NBEA: variants seen among roughly 807,000 people sequenced by gnomAD.
NBEA encodes the protein lysosomal-trafficking regulator 2.
In NBEA, 44 loss-of-function variants were observed where a neutral mutation model predicts 343.4. That is an observed-to-expected ratio of 0.13 (90% CI 0.10 to 0.16). NBEA has a LOEUF of 0.16. Among genes scored for constraint, NBEA ranks in the 10% least tolerant of loss-of-function variants. NBEA has a pLI of 1.00. For missense variants in NBEA, 2,555 were observed against 3,631.3 expected (o/e 0.70, Z 7.62); for synonymous variants, 1,175 against 1,238.7 (o/e 0.95, Z 1.08).
chr13:35,463,403 G>T (rs898434666), intron 40 of NBEA, among the ~76,000 whole-genome samples: 1 of 152,064 alleles, frequency 6.6e-6, no homozygotes, highest in Non-Finnish European at 1.5e-5. Flanking sequence ...CGGGAGGATC[G>T]CTTAAGCTCA....
intron 55 of NBEA, among the ~76,000 whole-genome samples, chr13:35,663,277 C>T (rs1011478752): frequency 6.6e-6 from 1 of 152,188 alleles, no homozygotes; most frequent in Non-Finnish European, 1.5e-5. Context: ...CTTCCCACCA[C>T]CCTTGCCAGC....
At position 35,584,058 on chromosome 13, in the gene NBEA, T is replaced by C. The variant is rs2081177452; in HGVS notation, c.7176+20T>C. 2 of 1,610,678 alleles carry C rather than the reference T, an allele frequency of 1.2e-6. No homozygotes were observed. Among genetic ancestry groups the C allele is most frequent in the Non-Finnish European group, 1.7e-6 (2 of 1,178,260 alleles). On this transcript the variant is annotated intron_variant, in intron 46 of 58. Coordinates refer to ENST00000379939, the MANE Select transcript of NBEA (RefSeq NM_001385012.1). The stretch of plus-strand genomic sequence containing the variant: ...CGAATTGTGAGTATCTTCATTGAGT[T>C]AGCTTGCCTTTGGTACCTTAAAATT...
Position 35,282,706 on chromosome 13 carries a change from A to G in NBEA, c.5777-7683A>G, listed in dbSNP as rs73489563. ...GAAATCTGAGTTACTACTGTGAATA[A>G]AAGTATCTCATTCAATTTCAAAAAT... On this transcript the variant is annotated intron_variant, in intron 34 of 58. Transcript: ENST00000379939. 6.3e-3 allele frequency among the ~76,000 whole-genome samples: 964 copies of G among 152,272 alleles called. 10 individuals are homozygous for G. The highest frequency in any genetic ancestry group is 0.022 in the African/African-American group (922 of 41,566).
chr13:35,483,627 A>G (rs1390809464), intron 41 of NBEA, among the ~76,000 whole-genome samples: 1 of 152,076 alleles, frequency 6.6e-6, no homozygotes, highest in African/African-American at 2.4e-5. Flanking sequence ...TTGTCTTTTT[A>G]CAACTTGGAA....
intron 36 of NBEA, among the ~76,000 whole-genome samples, chr13:35,311,657 C>T (rs943863986): frequency 2.6e-5 from 4 of 152,026 alleles, no homozygotes; most frequent in Admixed American, 1.3e-4. Flanking sequence ...AGTTTGAGAC[C>T]GGTCTGGCTA....
intron 10 of NBEA, among the ~76,000 whole-genome samples, chr13:35,077,369 C>A (rs1281347562): frequency 6.6e-6 from 1 of 151,994 alleles, no homozygotes; most frequent in Non-Finnish European, 1.5e-5. Context: ...TCTCATCTAC[C>A]CAATTTCTAT....
At chr13:35,637,898 G>A (rs537491165) in intron 49 of NBEA, among the ~76,000 whole-genome samples, 33 of 152,128 alleles carry the variant, frequency 2.2e-4, no homozygotes, top group African/African-American at 7.0e-4. Context: ...AATGTGGGGT[G>A]GTGTATGTGT....
intron 44 of NBEA, among the ~76,000 whole-genome samples, chr13:35,559,922 C>T (rs1347733095): frequency 1.9e-5 from 2 of 106,892 alleles, no homozygotes; most frequent in South Asian, 3.8e-4. Flanking sequence ...CAGAGCGAGA[C>T]TCCGTCTCAA....
intron 1 of NBEA, among the ~76,000 whole-genome samples, chr13:34,965,775 T>C (rs1468130777): frequency 6.6e-6 from 1 of 151,864 alleles, no homozygotes; most frequent in Non-Finnish European, 1.5e-5. Context: ...GGAGGAGAAA[T>C]TAAGGTAATG....
At chr13:35,390,694 G>T (rs978163337) in intron 38 of NBEA, among the ~76,000 whole-genome samples, 1 of 152,074 alleles carries the variant, frequency 6.6e-6, no homozygotes, top group African/African-American at 2.4e-5. Flanking sequence ...TAAGTACCTT[G>T]CACTAATAGG....
chr13:35,295,066 T>A (rs1000497916), intron 35 of NBEA, among the ~76,000 whole-genome samples: 3 of 147,988 alleles, frequency 2.0e-5, no homozygotes, highest in Admixed American at 6.8e-5. Flanking sequence ...AAAAAAAAAA[T>A]TAAAAAAAAT....
chr13:35,545,140 C>T (rs965907289), intron 41 of NBEA, among the ~76,000 whole-genome samples: 27 of 152,120 alleles, frequency 1.8e-4, no homozygotes, highest in African/African-American at 5.1e-4. Flanking sequence ...ATAAAGAAGA[C>T]GATTTTATAG....
intron 36 of NBEA, among the ~76,000 whole-genome samples, chr13:35,328,682 G>GATTTTTA (rs2038736457): frequency 6.6e-6 from 1 of 151,610 alleles, no homozygotes; most frequent in Non-Finnish European, 1.5e-5. Flanking sequence ...TGGAGACACG[G>GATTTTTA]TGTTCATGGA....
chr13:35,125,230 A>G lies in NBEA; in HGVS notation c.2336+1656A>G, dbSNP rs184145982. ...ATAGATGCAAAATATGAACTCCAGA[A>G]TACGGGTATCAGCTGCTTAAAGTTG... On this transcript the variant is annotated intron_variant, in intron 17 of 58. Coordinates refer to ENST00000379939, the MANE Select transcript of NBEA (RefSeq NM_001385012.1). Among the ~76,000 whole-genome samples, 94 of 152,284 alleles carry G rather than the reference A, an allele frequency of 6.2e-4. 1 individual carries two copies. In the East Asian group the frequency reaches 0.017, roughly 28 times the overall value.
At chr13:35,082,983 A>C (rs961604854) in intron 10 of NBEA, among the ~76,000 whole-genome samples, 2 of 152,134 alleles carry the variant, frequency 1.3e-5, no homozygotes, top group Admixed American at 6.6e-5. Flanking sequence ...TTAGTCATGA[A>C]GTCCTTGCCC....
At chr13:35,415,299 G>T (rs963744546) in intron 38 of NBEA, among the ~76,000 whole-genome samples, 3 of 152,126 alleles carry the variant, frequency 2.0e-5, no homozygotes, top group African/African-American at 7.2e-5. Flanking sequence ...TAGTCATGAA[G>T]TCCTTGCCCA....
At chr13:35,599,720 T>G (rs1038742945) in intron 47 of NBEA, among the ~76,000 whole-genome samples, 1 of 152,182 alleles carries the variant, frequency 6.6e-6, no homozygotes, top group African/African-American at 2.4e-5. Flanking sequence ...TCCACCTCTT[T>G]ATGGGAGGAG....
chr13:35,095,497 A>T (rs769686771), intron 10 of NBEA, among the ~76,000 whole-genome samples: 1 of 151,682 alleles, frequency 6.6e-6, no homozygotes, highest in Non-Finnish European at 1.5e-5. Context: ...TTTTTTTCCC[A>T]TGGTCTAGCC....
chr13:35,250,246 A>G (rs1297582716), intron 34 of NBEA, among the ~76,000 whole-genome samples: 1 of 152,166 alleles, frequency 6.6e-6, no homozygotes, highest in Non-Finnish European at 1.5e-5. Context: ...TGAAAAGTTT[A>G]CCCATAGACT....
Sources: gnomAD v4.1 joint callset for allele counts (sites outside exome capture counted in the v4.1 genomes callset) on GRCh38, gnomAD v4.1.1 for gene constraint, MANE v1.5 for transcripts, NCBI Gene and HGNC (gene_info 2026-07-23, HGNC 2026-07-21) for gene names.